TENM3: variants seen among roughly 807,000 people sequenced by gnomAD.
TENM3 encodes the protein teneurin-3.
A neutral mutation model predicts 255.1 loss-of-function variants in TENM3; 63 were observed. That is an observed-to-expected ratio of 0.25 (90% CI 0.20 to 0.30). The LOEUF (loss-of-function observed/expected upper bound fraction) is 0.30, where lower values mean the gene tolerates loss of function less well. TENM3 is among the 10% of genes least tolerant of loss of function. The probability of loss-of-function intolerance (pLI) is 1.00; values close to 1 mark genes in which losing one functional copy is unlikely to be tolerated. For synonymous variants in TENM3, 1,306 were observed against 1,322.3 expected, an observed-to-expected ratio of 0.99 and a Z score of 0.27; for missense variants, 2,929 against 3,461.1, an observed-to-expected ratio of 0.85 and a Z score of 3.86.
the TENM3 span, among the ~76,000 whole-genome samples, chr4:181,465,290 A>G: frequency 6.6e-6 from 1 of 151,930 alleles, no homozygotes; most frequent in Admixed American, 6.6e-5. Flanking sequence ...GAAAAAAAAA[A>G]AAACTTGGTA....
At chr4:182,112,921 G>T in the TENM3 span, among the ~76,000 whole-genome samples, 1 of 152,110 alleles carries the variant, frequency 6.6e-6, no homozygotes, top group African/African-American at 2.4e-5. Flanking sequence ...CTGCTCTACT[G>T]CTAACAGTCT....
intron 3 of TENM3, among the ~76,000 whole-genome samples, chr4:182,437,580 G>A (rs1274064250): frequency 2.6e-5 from 4 of 152,110 alleles, no homozygotes; most frequent in Non-Finnish European, 5.9e-5. Flanking sequence ...CAGATCACTC[G>A]AGGTCAAGAG....
chr4:182,194,756 A>G (rs1005640560), intron 1 of TENM3, among the ~76,000 whole-genome samples: 1 of 152,040 alleles, frequency 6.6e-6, no homozygotes, highest in Non-Finnish European at 1.5e-5. Context: ...TATGACAAAC[A>G]TTTTTTTCTC....
At chr4:181,901,407 C>T in the TENM3 span, among the ~76,000 whole-genome samples, 13 of 152,308 alleles carry the variant, frequency 8.5e-5, no homozygotes, top group African/African-American at 2.6e-4. Flanking sequence ...AGAATGGGAT[C>T]CACCTTTGAG....
chr4:182,399,677 T>A (rs1769095018), intron 3 of TENM3, among the ~76,000 whole-genome samples: 1 of 152,248 alleles, frequency 6.6e-6, no homozygotes, highest in East Asian at 1.9e-4. Flanking sequence ...CACTGCTTGT[T>A]CAGTTTTTGT....
intron 5 of TENM3, among the ~76,000 whole-genome samples, chr4:182,649,816 G>A (rs1383490656): frequency 6.7e-6 from 1 of 150,320 alleles, no homozygotes; most frequent in Non-Finnish European, 1.5e-5. Flanking sequence ...AGTGTCTTTG[G>A]ATGTAGTAGA....
At chr4:181,980,675 G>T in the TENM3 span, among the ~76,000 whole-genome samples, 1 of 151,954 alleles carries the variant, frequency 6.6e-6, no homozygotes, top group Non-Finnish European at 1.5e-5. Context: ...CTTTTTCCAT[G>T]TATCTAATTT....
chr4:182,663,425 A>G (rs1754389402), intron 6 of TENM3, among the ~76,000 whole-genome samples: 3 of 152,350 alleles, frequency 2.0e-5, no homozygotes, highest in African/African-American at 7.2e-5. Context: ...TGTGTTAAAC[A>G]TGTTGATAAT....
chr4:182,767,657 CAT>C (rs1561223448), intron 22 of TENM3, among the ~76,000 whole-genome samples: 3 of 152,092 alleles, frequency 2.0e-5, no homozygotes, highest in African/African-American at 7.2e-5. Flanking sequence ...ACATCACACA[CAT>C]ACACATTATA....
At chr4:181,806,656 C>A in the TENM3 span, among the ~76,000 whole-genome samples, 1 of 152,316 alleles carries the variant, frequency 6.6e-6, no homozygotes, top group East Asian at 1.9e-4. Flanking sequence ...GAGACTAGGC[C>A]CTCACCAGGC....
the TENM3 span, among the ~76,000 whole-genome samples, chr4:181,855,899 A>G: frequency 6.0e-5 from 9 of 149,018 alleles, no homozygotes; most frequent in African/African-American, 2.0e-4. Context: ...GTAGGAAGGA[A>G]GAAGGGAGGA....
At chr4:182,474,886 A>G (rs1179478577) in intron 3 of TENM3, among the ~76,000 whole-genome samples, 1 of 151,944 alleles carries the variant, frequency 6.6e-6, no homozygotes, top group South Asian at 2.1e-4. Context: ...TAACCTTCCC[A>G]TTATCGCTGC....
At chr4:182,503,677 G>A (rs1178380731) in intron 3 of TENM3, among the ~76,000 whole-genome samples, 1 of 152,144 alleles carries the variant, frequency 6.6e-6, no homozygotes, top group Non-Finnish European at 1.5e-5. Flanking sequence ...AAACTCAAGG[G>A]AGGACAGAGC....
At chr4:181,715,294 C>T in the TENM3 span, among the ~76,000 whole-genome samples, 1 of 152,120 alleles carries the variant, frequency 6.6e-6, no homozygotes, top group East Asian at 1.9e-4. Flanking sequence ...AAATGTTGCA[C>T]ATTTGAGCTG....
At chr4:181,731,207 G>C in the TENM3 span, among the ~76,000 whole-genome samples, 19 of 152,104 alleles carry the variant, frequency 1.2e-4, no homozygotes, top group Non-Finnish European at 2.4e-4. Context: ...TTAAAGTTCT[G>C]CATAACTGTA....
the TENM3 span, among the ~76,000 whole-genome samples, chr4:182,017,599 C>T: frequency 2.0e-5 from 3 of 152,124 alleles, no homozygotes; most frequent in Admixed American, 6.5e-5. Context: ...CACACACATG[C>T]CCTCCTTACT....
At chr4:182,137,580 T>TA in the TENM3 span, among the ~76,000 whole-genome samples, 6 of 152,158 alleles carry the variant, frequency 3.9e-5, no homozygotes, top group Non-Finnish European at 8.8e-5. Context: ...GATGGGGGAT[T>TA]AAAAAATGAC....
chr4:182,431,032 TAAATAAACAAAC>T (rs1463952131), intron 3 of TENM3, among the ~76,000 whole-genome samples: 87 of 100,368 alleles, frequency 8.7e-4, no homozygotes, highest in East Asian at 4.6e-3. Context: ...AATAAATAAA[TAAATAAACAAAC>T]AAACAAACAA....
the TENM3 span, among the ~76,000 whole-genome samples, chr4:181,626,154 T>A: frequency 6.6e-6 from 1 of 152,054 alleles, no homozygotes; most frequent in Non-Finnish European, 1.5e-5. Context: ...AATTGAAGGA[T>A]CAGGAGGGCG....
Sources: allele counts gnomAD v4.1 joint callset (sites outside exome capture counted in the v4.1 genomes callset), GRCh38; gene constraint gnomAD v4.1.1; transcripts MANE v1.5; gene names NCBI Gene and HGNC (gene_info 2026-07-23, HGNC 2026-07-21).